CCR7: variants seen among roughly 807,000 people sequenced by gnomAD.
CCR7 encodes the protein C-C motif chemokine receptor 7, also known as C-C chemokine receptor type 7.
In CCR7, 11 loss-of-function variants were observed where a neutral mutation model predicts 26.0. That is an observed-to-expected ratio of 0.42 (90% CI 0.27 to 0.70). The LOEUF (loss-of-function observed/expected upper bound fraction) is 0.70. Among genes scored for constraint, CCR7 ranks in the 30% least tolerant of loss-of-function variants. CCR7 has a pLI of 0.23. For missense variants in CCR7, 360 were observed against 504.0 expected, an observed-to-expected ratio of 0.71 and a Z score of 2.74; for synonymous variants, 189 against 202.1, an observed-to-expected ratio of 0.94 and a Z score of 0.55.
In CCR7 at chr17:40,555,624, A is replaced by C; in HGVS notation, c.255T>G (p.Tyr85Ter). ...CGGTCATGGTCTTGAGCCTCTTGAA[A>C]TAGATATAGGTCAACACGACCAGCC... ...GNGLVVLTYI[Y>*]FKRLKTMTDT... The change falls in exon 3 of 3, where the codon TAT (tyrosine) becomes TAG (stop). Residue 85 changes from tyrosine to a stop codon, truncating the protein, a stop_gained. Coordinates refer to ENST00000246657, the MANE Select transcript of CCR7 (RefSeq NM_001838.4). LOFTEE classifies it high-confidence loss of function. The surrounding 1 kb of genome is among the most constrained non-coding windows in gnomAD (Gnocchi z 5.6). The C allele has an allele frequency of 6.2e-7, 1 of 1,614,126 alleles. No individual in the cohort carries two copies. Among genetic ancestry groups the C allele is most frequent in the Non-Finnish European group, 8.5e-7 (1 of 1,180,032 alleles).
At chr17:40,564,685 G>A (rs2036690008) in intron 1 of CCR7, among the ~76,000 whole-genome samples, 1 of 152,200 alleles carries the variant, frequency 6.6e-6, no homozygotes, top group Non-Finnish European at 1.5e-5. Flanking sequence ...GAGTGCGTGA[G>A]GTTTGCTCAG....
intron 1 of CCR7, among the ~76,000 whole-genome samples, chr17:40,561,814 G>A (rs953974537): frequency 1.3e-5 from 2 of 151,966 alleles, no homozygotes; most frequent in Non-Finnish European, 2.9e-5. Context: ...TTTGGATAAG[G>A]GAGGCAGAGG....
At chr17:40,560,553 G>C (rs1406745020) in intron 1 of CCR7, 1 of 152,262 alleles carries the variant, frequency 6.6e-6, no homozygotes, top group Non-Finnish European at 1.5e-5. Flanking sequence ...GTTCCTCCGG[G>C]AAGGAGAGAC....
Position 40,555,933 on chromosome 17 carries a change from TCTCA to T in CCR7, c.61-119_61-116del. 1 of 697,310 alleles carries T rather than the reference TCTCA, an allele frequency of 1.4e-6. No homozygotes were observed. Among genetic ancestry groups the T allele is most frequent in the South Asian group, 1.9e-5 (1 of 52,972 alleles). The allele number at this position is 697,310 out of a possible 1,614,324, so 43.2% of individuals were successfully genotyped here. The stretch of plus-strand genomic sequence containing the variant: ...CTTTTTTTTTTTTCTTGAGACATGG[TCTCA>T]CTCTGTTGCCCAGGCTGGAGTGCAG... On this transcript the variant is annotated intron_variant, in intron 2 of 2. Coordinates refer to ENST00000246657, the MANE Select transcript of CCR7 (RefSeq NM_001838.4). This position sits in a 1 kb window ranked among gnomAD's most constrained non-coding sequence, Gnocchi z 5.6.
At chr17:40,564,121 G>A (rs931567985) in intron 1 of CCR7, among the ~76,000 whole-genome samples, 7 of 152,082 alleles carry the variant, frequency 4.6e-5, no homozygotes, top group Admixed American at 2.0e-4. Flanking sequence ...GGGTGCAGGG[G>A]AGTGGGATTT....
At position 40,555,136 on chromosome 17, in the gene CCR7, C is replaced by T. The variant is rs760394768; in HGVS notation, c.743G>A (p.Arg248His). The T allele has an allele frequency of 8.7e-6, 14 of 1,613,968 alleles. No homozygotes were observed. In the African/African-American group the frequency reaches 9.3e-5, roughly 11 times the overall value. ...AAAGTTGCGTGCCTGGAGCAGGGTG[C>T]GGATGATGACAAGGTAACAGAAGCT... ...AMSFCYLVIIRTLLQARNFER... is the reference protein window; with the variant it reads ...AMSFCYLVIIHTLLQARNFER... The change falls in exon 3 of 3, where the codon CGC becomes CAC. Residue 248 changes from arginine to histidine, a missense_variant. Arg to His is a conservative substitution (Grantham distance 29). Transcript: ENST00000246657. The surrounding 1 kb of genome is among the most constrained non-coding windows in gnomAD (Gnocchi z 5.6).
chr17:40,554,680 G>A lies in CCR7; in HGVS notation c.*62C>T. The A allele has an allele frequency of 1.5e-6, 2 of 1,317,698 alleles. No individual in the cohort carries two copies. The highest frequency in any genetic ancestry group is 2.3e-5 in the East Asian group (1 of 43,326). The allele number at this position is 1,317,698 out of a possible 1,614,324, so 81.6% of individuals were successfully genotyped here. ...GGGGATGTCCTGAGTCATTGCATCT[G>A]CTCCCTATCCCCACCCCAGGGACCC... is the stretch of plus-strand genomic sequence containing the variant. On this transcript the variant is annotated 3_prime_UTR_variant, in exon 3 of 3. Transcript: ENST00000246657.
At chr17:40,565,373 C>G in intron 1 of CCR7, 27 bp downstream of exon 1, 1 of 1,605,602 alleles carries the variant, frequency 6.2e-7, no homozygotes, top group Non-Finnish European at 8.5e-7. Context: ...TGGTACTGTT[C>G]CTTCTCACAT....
intron 1 of CCR7, among the ~76,000 whole-genome samples, chr17:40,560,424 G>A (rs554360847): frequency 6.6e-6 from 1 of 152,194 alleles, no homozygotes; most frequent in Non-Finnish European, 1.5e-5. Flanking sequence ...AGAGCCCAGC[G>A]CTTCCGTGTC....
At chr17:40,563,373 A>G (rs930741413) in intron 1 of CCR7, among the ~76,000 whole-genome samples, 1 of 152,112 alleles carries the variant, frequency 6.6e-6, no homozygotes, top group African/African-American at 2.4e-5. Context: ...TGAGGCACAC[A>G]TCTCTCATGG....
At chr17:40,561,477 T>C (rs1331771385) in intron 1 of CCR7, among the ~76,000 whole-genome samples, 1 of 152,176 alleles carries the variant, frequency 6.6e-6, no homozygotes, top group Non-Finnish European at 1.5e-5. Flanking sequence ...ACCAATGAAG[T>C]TGGGAATCTC....
chr17:40,555,010 T>C lies in CCR7; in HGVS notation c.869A>G (p.Asn290Ser), dbSNP rs750217276. The change falls in exon 3 of 3, where the codon AAC becomes AGC. Residue 290 changes from asparagine to serine, a missense_variant. Coordinates refer to ENST00000246657, the MANE Select transcript of CCR7 (RefSeq NM_001838.4). This position sits in a 1 kb window ranked among gnomAD's most constrained non-coding sequence, Gnocchi z 5.6. ...NGVVLAQTVA[N>S]FNITSSTCEL... ...ACAGGTGCTACTGGTGATGTTGAAG[T>C]TGGCCACCGTCTGGGCCAGGACCAC... 15 of 1,614,206 alleles carry C rather than the reference T, an allele frequency of 9.3e-6. No individual in the cohort carries two copies. The highest frequency in any genetic ancestry group is 1.2e-5 in the Non-Finnish European group (14 of 1,180,034).
At chr17:40,564,120 G>A (rs1223926042) in intron 1 of CCR7, among the ~76,000 whole-genome samples, 3 of 152,104 alleles carry the variant, frequency 2.0e-5, no homozygotes, top group African/African-American at 4.8e-5. Context: ...GGGGTGCAGG[G>A]GAGTGGGATT....
At chr17:40,558,828 T>A (rs2036620992) in intron 2 of CCR7, 65 bp downstream of exon 2, 2 of 1,450,970 alleles carry the variant, frequency 1.4e-6, no homozygotes, top group Admixed American at 3.4e-5. Flanking sequence ...GCTCCTCCAC[T>A]AAACCCCTGA....
chr17:40,554,559 TGG>T lies in CCR7; in HGVS notation c.*181_*182del. The T allele has an allele frequency of 3.2e-6, 2 of 634,240 alleles. No individual in the cohort carries two copies. Among genetic ancestry groups the T allele is most frequent in the Non-Finnish European group, 2.8e-6 (1 of 357,286 alleles). 39.3% of individuals were successfully genotyped at this position (634,240 alleles called of 1,614,324 possible). A position where few individuals can be genotyped will look rare whatever the true frequency, so the allele number is the denominator to read the frequency against. Reference sequence around the variant, plus strand: ...TATCAGCCCTGTCTTTTTTTGGCATTGGTTGAGGTAGCTGGGATTGGGGTGAA... The same window carrying T: ...TATCAGCCCTGTCTTTTTTTGGCATTTTGAGGTAGCTGGGATTGGGGTGAA... On this transcript the variant is annotated 3_prime_UTR_variant, in exon 3 of 3. Coordinates refer to ENST00000246657, the MANE Select transcript of CCR7 (RefSeq NM_001838.4).
At chr17:40,564,792 A>G (rs1033524547) in intron 1 of CCR7, among the ~76,000 whole-genome samples, 10 of 152,168 alleles carry the variant, frequency 6.6e-5, no homozygotes, top group Non-Finnish European at 1.0e-4. Flanking sequence ...TTAACTTGCA[A>G]GAGGCAACAG....
chr17:40,555,186 G>A lies in CCR7; in HGVS notation c.693C>T (p.Gly231=). Residue 231 remains glycine, a synonymous_variant, in exon 3 of 3, where the codon GGC becomes GGT. Transcript: ENST00000246657. The surrounding 1 kb of genome is among the most constrained non-coding windows in gnomAD (Gnocchi z 5.6). ...TCATGGCCAGCAGGGGGACCAGAAA[G>A]CCGATCACCATCTGGGCCACCTGGA... ...ITIQVAQMVI[G]FLVPLLAMSF... 1 of 1,614,172 alleles carries A rather than the reference G, an allele frequency of 6.2e-7. No individual in the cohort carries two copies. Among genetic ancestry groups the A allele is most frequent in the Admixed American group, 1.7e-5 (1 of 60,012 alleles).
intron 1 of CCR7, among the ~76,000 whole-genome samples, chr17:40,559,642 G>A (rs978271241): frequency 6.6e-6 from 1 of 152,186 alleles, no homozygotes; most frequent in Non-Finnish European, 1.5e-5. Context: ...GGTCCACTGG[G>A]CGCACACCCT....
intron 2 of CCR7, among the ~76,000 whole-genome samples, chr17:40,558,450 A>G (rs1288071766): frequency 6.6e-6 from 1 of 152,148 alleles, no homozygotes; most frequent in Non-Finnish European, 1.5e-5. Flanking sequence ...GCTGCGAGGG[A>G]AGCCTTTGGG....
Sources: gnomAD v4.1 joint callset for allele counts (sites outside exome capture counted in the v4.1 genomes callset) on GRCh38, gnomAD v4.1.1 for gene constraint, Gnocchi (gnomAD v3.1) non-coding constraint, MANE v1.5 for transcripts, NCBI Gene and HGNC (gene_info 2026-07-23, HGNC 2026-07-21) for gene names.